The following GLIS1 variants were observed in gnomAD, a reference collection of about 807,000 sequenced individuals.
The protein encoded by GLIS1 is GLIS family zinc finger 1, also known as zinc finger protein GLIS1.
A neutral mutation model predicts 63.8 loss-of-function variants in GLIS1; 24 were observed. The ratio of observed to expected loss-of-function variants is 0.38; its 90% CI spans 0.27 to 0.53. The LOEUF (loss-of-function observed/expected upper bound fraction) is 0.53. Among genes scored for constraint, GLIS1 ranks in the 20% least tolerant of loss-of-function variants. GLIS1 has a pLI of 0.85. For synonymous variants in GLIS1, 450 were observed against 482.5 expected, an observed-to-expected ratio of 0.93 and a Z score of 0.88; for missense variants, 1,036 against 1,074.1, an observed-to-expected ratio of 0.96 and a Z score of 0.50.
chr1:53,656,592 C>T (rs777882881), intron 2 of GLIS1, among the ~76,000 whole-genome samples: 16 of 152,230 alleles, frequency 1.1e-4, no homozygotes, highest in Non-Finnish European at 2.2e-4. Flanking sequence ...GACTTCTCCT[C>T]GTGCGATTTG....
rs540924650 is a variant in GLIS1, at chr1:53,592,755, C to T, written c.1320+1353G>A. Among the ~76,000 whole-genome samples, 9 of 152,380 alleles carry T rather than the reference C, an allele frequency of 5.9e-5. No homozygotes were observed. The East Asian group carries it at 1.7e-3, about 29-fold the overall frequency. On this transcript the variant is annotated intron_variant, in intron 4 of 10. Transcript: ENST00000628545. ...GCTCCACACACCAGAATGCTAACCA[C>T]AAGCTCCCTCCTCCTGCCTCCCCTT...
chr1:53,656,692 G>A (rs905625335), intron 2 of GLIS1, among the ~76,000 whole-genome samples: 3 of 152,332 alleles, frequency 2.0e-5, no homozygotes, highest in East Asian at 1.9e-4. Flanking sequence ...TAAACCTTCC[G>A]TGGTTGAGAA....
At chr1:53,545,955 C>A (rs529873634) in intron 4 of GLIS1, among the ~76,000 whole-genome samples, 40 of 152,330 alleles carry the variant, frequency 2.6e-4, no homozygotes, top group African/African-American at 9.4e-4. Flanking sequence ...ACTCATTTTC[C>A]ACATAAGAAT....
At chr1:53,693,917 A>G (rs1039390668) in intron 2 of GLIS1, among the ~76,000 whole-genome samples, 2 of 152,256 alleles carry the variant, frequency 1.3e-5, no homozygotes, top group Non-Finnish European at 2.9e-5. Flanking sequence ...TGACGCAGAC[A>G]TGAGGAGGCT....
In GLIS1 at chr1:53,524,799, T is replaced by C. The variant is rs1353911208; in HGVS notation, c.1571A>G (p.Lys524Arg). 6.2e-7 allele frequency: 1 copy of C among 1,613,388 alleles called. No homozygotes were observed. The highest frequency in any genetic ancestry group is 1.3e-5 in the African/African-American group (1 of 74,936). Reference sequence around the variant, plus strand: ...TACCTTCTTACGCACCTGCTGCTCTTTGGCTGAATGGGCCTTGACGTGCTT... The same window carrying C: ...TACCTTCTTACGCACCTGCTGCTCTCTGGCTGAATGGGCCTTGACGTGCTT... ...LRKHVKAHSA[K>R]EQQVRKKLHA... Residue 524 changes from lysine (K) to arginine (R), a missense_variant, in exon 6 of 11, where the codon AAA (lysine) becomes AGA (arginine). Physicochemically the swap from Lys to Arg is conservative, Grantham distance 26 (BLOSUM62 2). Coordinates refer to ENST00000628545, the MANE Select transcript of GLIS1 (RefSeq NM_001367484.1).
chr1:53,542,810 CCCAGGCTACCTGGGGCAT>C (rs1233770057), intron 4 of GLIS1, among the ~76,000 whole-genome samples: 1 of 152,240 alleles, frequency 6.6e-6, no homozygotes, highest in Non-Finnish European at 1.5e-5. Flanking sequence ...CCCAGCAAGG[CCCAGGCTACCTGGGGCAT>C]CCAGGCAGGA....
intron 4 of GLIS1, among the ~76,000 whole-genome samples, chr1:53,536,114 C>T (rs996830745): frequency 4.6e-5 from 7 of 152,076 alleles, no homozygotes; most frequent in Admixed American, 3.3e-4. Context: ...GAGGCATCAG[C>T]GCTCTGACGC....
chr1:53,709,379 T>TATATATACATATACATATATATATACAC (rs1557534363), intron 2 of GLIS1, among the ~76,000 whole-genome samples: 11 of 43,050 alleles, frequency 2.6e-4, no homozygotes, highest in African/African-American at 8.5e-4. Flanking sequence ...TATATATACA[T>TATATATACATATACATATATATATACAC]ATATACATAT....
intron 2 of GLIS1, among the ~76,000 whole-genome samples, chr1:53,722,233 C>T (rs564045000): frequency 6.6e-6 from 1 of 152,262 alleles, no homozygotes; most frequent in Admixed American, 6.5e-5. Context: ...TTAAATGTTA[C>T]TACCCTGTAG....
At chr1:53,512,686 G>C (rs1457253523) in intron 8 of GLIS1, among the ~76,000 whole-genome samples, 5 of 152,210 alleles carry the variant, frequency 3.3e-5, no homozygotes, top group Non-Finnish European at 7.3e-5. Flanking sequence ...GCAGGCAGGG[G>C]TGGGCAGGCG....
intron 4 of GLIS1, among the ~76,000 whole-genome samples, chr1:53,587,926 G>C (rs1334500945): frequency 6.6e-6 from 1 of 152,172 alleles, no homozygotes; most frequent in East Asian, 1.9e-4. Flanking sequence ...CTAGTACACA[G>C]TCTCTGGAGT....
intron 7 of GLIS1, among the ~76,000 whole-genome samples, chr1:53,518,066 T>C (rs925707781): frequency 3.3e-5 from 5 of 152,148 alleles, no homozygotes; most frequent in African/African-American, 1.2e-4. Flanking sequence ...GGCCCTAACA[T>C]CTGTTCCCTT....
chr1:53,632,590 G>C (rs1275189339), intron 2 of GLIS1, among the ~76,000 whole-genome samples: 2 of 150,050 alleles, frequency 1.3e-5, no homozygotes, highest in Non-Finnish European at 3.0e-5. Flanking sequence ...GAATGAGTGT[G>C]ACTGAGGGAC....
At chr1:53,649,399 T>A (rs902035187) in intron 2 of GLIS1, among the ~76,000 whole-genome samples, 1 of 152,354 alleles carries the variant, frequency 6.6e-6, no homozygotes, top group East Asian at 1.9e-4. Context: ...GTTGTGAGTA[T>A]CTGTGAGGTG....
intron 6 of GLIS1, 51 bp downstream of exon 6, chr1:53,524,726 G>A (rs755777743): frequency 3.0e-6 from 4 of 1,348,042 alleles, no homozygotes; most frequent in South Asian, 2.4e-5. Context: ...GCCTGATGCG[G>A]TGCAGGCGGC....
rs184436355 is a variant in GLIS1 at position 53,665,029 on chromosome 1, T to G, written c.260-64751A>C. 7.0e-3 allele frequency among the ~76,000 whole-genome samples: 1,061 copies of G among 152,238 alleles called. 4 individuals carry two copies. The highest frequency in any genetic ancestry group is 0.012 in the Non-Finnish European group (801 of 68,012). ...CACTGCTGCCATTGTAAGTAAGGAC[T>G]GTGGCTTTCAATTTTGTGAGATCGC... On this transcript the variant is annotated intron_variant, in intron 2 of 10. Coordinates refer to ENST00000628545, the MANE Select transcript of GLIS1 (RefSeq NM_001367484.1).
intron 2 of GLIS1, among the ~76,000 whole-genome samples, chr1:53,710,745 C>T (rs1407269773): frequency 1.3e-5 from 2 of 152,212 alleles, no homozygotes; most frequent in African/African-American, 4.8e-5. Context: ...AACACAGGGC[C>T]TGTCACGCTC....
intron 2 of GLIS1, among the ~76,000 whole-genome samples, chr1:53,675,663 T>C (rs1396621083): frequency 2.0e-5 from 3 of 152,230 alleles, no homozygotes; most frequent in African/African-American, 4.8e-5. Context: ...GCCAGGGGAC[T>C]TCTCCTCATG....
At chr1:53,527,231 G>T (rs1644479632) in intron 5 of GLIS1, among the ~76,000 whole-genome samples, 1 of 152,252 alleles carries the variant, frequency 6.6e-6, no homozygotes, top group Non-Finnish European at 1.5e-5. Context: ...CAGTGAAGTG[G>T]GCAGGGGAGA....
Sources: gnomAD v4.1 joint callset for allele counts (sites outside exome capture counted in the v4.1 genomes callset) on GRCh38, gnomAD v4.1.1 for gene constraint, MANE v1.5 for transcripts, NCBI Gene and HGNC (gene_info 2026-07-23, HGNC 2026-07-21) for gene names.